ZNF578: variants seen among roughly 807,000 people sequenced by gnomAD.
ZNF578 encodes Putative chemokine-related protein B42.
Under a neutral mutation model 8.3 loss-of-function variants are expected in ZNF578, and 8 were observed. That is an observed-to-expected ratio of 0.96 (90% CI 0.56 to 1.74). The LOEUF (loss-of-function observed/expected upper bound fraction) is 1.74, where lower values mean the gene tolerates loss of function less well. Ranked by LOEUF, ZNF578 falls within the 40% of genes most tolerant of loss-of-function variation. The pLI is 0.00. For synonymous variants in ZNF578, 206 were observed against 232.2 expected (o/e 0.89, Z 1.03); for missense variants, 726 against 707.5 (o/e 1.03, Z -0.30).
At chr19:52,490,029 C>T (rs2059360030) in intron 2 of ZNF578, among the ~76,000 whole-genome samples, 1 of 152,198 alleles carries the variant, frequency 6.6e-6, no homozygotes, top group African/African-American at 2.4e-5. Context: ...CTGAACATCC[C>T]TTTTGGCCAA....
At chr19:52,491,976 C>A (rs1359151795) in intron 3 of ZNF578, among the ~76,000 whole-genome samples, 2 of 151,524 alleles carry the variant, frequency 1.3e-5, no homozygotes, top group African/African-American at 4.8e-5. Flanking sequence ...CTGGCTAACA[C>A]GGTGAAACCC....
At chr19:52,500,115 C>T (rs111687694) in intron 3 of ZNF578, among the ~76,000 whole-genome samples, 28,990 of 152,020 alleles carry the variant, frequency 0.19, 2,995 homozygotes, top group Non-Finnish European at 0.23. Context: ...TTCTCCGGGT[C>T]TCCTTTGTGA....
At chr19:52,469,150 T>A (rs896070702) in intron 2 of ZNF578, among the ~76,000 whole-genome samples, 4 of 136,770 alleles carry the variant, frequency 2.9e-5, no homozygotes, top group African/African-American at 1.1e-4. Flanking sequence ...CTTTGGTACC[T>A]GGAGTGGTTT....
At chr19:52,501,014 G>C (rs1005171589) in intron 3 of ZNF578, among the ~76,000 whole-genome samples, 27 of 151,938 alleles carry the variant, frequency 1.8e-4, no homozygotes, top group Admixed American at 5.3e-4. Context: ...GAATAGCTGG[G>C]ATTATGGGCA....
chr19:52,512,460 T>C lies in ZNF578; in HGVS notation c.*306T>C. On this transcript the variant is annotated 3_prime_UTR_variant, in exon 6 of 6. Transcript: ENST00000421239. ...ATAAATGTGGCAAATTTTTCAGACA[T>C]CGTTCATACCTTGCAGTTCATCAGT... 3 of 1,336,446 alleles carry C rather than the reference T, an allele frequency of 2.2e-6. No homozygotes were observed. The highest frequency in any genetic ancestry group is 1.2e-5 in the South Asian group (1 of 83,832). 82.8% of individuals were successfully genotyped at this position (1,336,446 alleles called of 1,614,324 possible).
chr19:52,497,154 C>T (rs574474355), intron 3 of ZNF578, among the ~76,000 whole-genome samples: 10 of 152,212 alleles, frequency 6.6e-5, no homozygotes, highest in African/African-American at 2.4e-4. Context: ...GGCTGGAGTG[C>T]AGTGGCACGA....
chr19:52,482,404 G>A (rs530264280), intron 2 of ZNF578, among the ~76,000 whole-genome samples: 13 of 152,206 alleles, frequency 8.5e-5, no homozygotes, highest in East Asian at 3.9e-4. Flanking sequence ...TTGGGAGGCC[G>A]AGGTACGTGG....
intron 2 of ZNF578, among the ~76,000 whole-genome samples, chr19:52,462,738 G>C (rs1038857293): frequency 2.0e-5 from 3 of 152,152 alleles, no homozygotes; most frequent in African/African-American, 4.8e-5. Context: ...ATCAAGGTGT[G>C]CTTGGGGGTT....
At chr19:52,492,044 G>C (rs776936654) in intron 3 of ZNF578, among the ~76,000 whole-genome samples, 3 of 148,242 alleles carry the variant, frequency 2.0e-5, no homozygotes, top group African/African-American at 7.5e-5. Context: ...CCTCAAATCC[G>C]TTACTCCAAA....
rs770536158 is a variant in ZNF578, at chr19:52,511,338, A to G, written c.957A>G (p.Glu319=). Residue 319 remains glutamate (E), a synonymous_variant, in exon 6 of 6, where the codon GAA becomes GAG. Coordinates refer to ENST00000421239, the MANE Select transcript of ZNF578 (RefSeq NM_001099694.2). ...HTGEKPYKCN[E]CGKSFSYKSS... ...GTGAGAAACCTTACAAGTGTAATGA[A>G]TGTGGAAAGTCCTTCAGTTACAAGT... The G allele has an allele frequency of 1.2e-6, 2 of 1,613,936 alleles. No homozygotes were observed. Among genetic ancestry groups the G allele is most frequent in the South Asian group, 2.2e-5 (2 of 91,076 alleles).
chr19:52,473,774 C>T, intron 2 of ZNF578: 1 of 312,194 alleles, frequency 3.2e-6, no homozygotes, highest in Non-Finnish European at 5.9e-6. Flanking sequence ...GGCAGTGAGG[C>T]TTGAATGCCC....
chr19:52,480,109 C>G (rs2059320921), intron 2 of ZNF578, among the ~76,000 whole-genome samples: 1 of 152,126 alleles, frequency 6.6e-6, no homozygotes, highest in Admixed American at 6.5e-5. Flanking sequence ...CGGGGTTTCA[C>G]CGTGTTAGCC....
At chr19:52,494,263 G>T (rs902500980) in intron 3 of ZNF578, among the ~76,000 whole-genome samples, 1 of 151,992 alleles carries the variant, frequency 6.6e-6, no homozygotes, top group Admixed American at 6.6e-5. Flanking sequence ...GAGGCAGAGG[G>T]ATTGCTTGAG....
At chr19:52,480,506 G>T (rs1314912676) in intron 2 of ZNF578, among the ~76,000 whole-genome samples, 1 of 152,010 alleles carries the variant, frequency 6.6e-6, no homozygotes, top group African/African-American at 2.4e-5. Context: ...TACCCAGGCA[G>T]ATGAAGCTAA....
At chr19:52,479,001 A>C (rs1211183186) in intron 2 of ZNF578, among the ~76,000 whole-genome samples, 1 of 151,598 alleles carries the variant, frequency 6.6e-6, no homozygotes, top group Non-Finnish European at 1.5e-5. Context: ...GGCATGAGCC[A>C]CCGCGCCCGG....
At chr19:52,455,656 GTGACTTCC>G (rs924799445) in intron 1 of ZNF578, 1 of 152,136 alleles carries the variant, frequency 6.6e-6, no homozygotes, top group African/African-American at 2.4e-5. Context: ...GTGTCCACTA[GTGACTTCC>G]TGAGTTCTCC....
rs545892899 is a variant in ZNF578, at chr19:52,511,039, C to T, written c.658C>T (p.Gln220Ter). 3.0e-5 allele frequency: 48 copies of T among 1,614,136 alleles called. No individual in the cohort carries two copies. Among genetic ancestry groups the T allele is most frequent in the South Asian group, 6.6e-5 (6 of 91,082 alleles). ...NNFFHSSLLT[Q>*]KQEVHMREKS... ...TTTTTTCCATTCATCATTACTCACA[C>T]AAAAACAGGAAGTACACATGAGAGA... Residue 220 changes from glutamine to a stop codon, truncating the protein, a stop_gained, in exon 6 of 6, where the codon CAA becomes TAA. Coordinates refer to ENST00000421239, the MANE Select transcript of ZNF578 (RefSeq NM_001099694.2). LOFTEE classifies it low-confidence loss of function (END_TRUNC).
In ZNF578 at chr19:52,512,082, C is replaced by A; in HGVS notation, c.1701C>A (p.Tyr567Ter). The A allele has an allele frequency of 6.2e-7, 1 of 1,613,744 alleles. No individual in the cohort carries two copies. Among genetic ancestry groups the A allele is most frequent in the East Asian group, 2.2e-5 (1 of 44,812 alleles). Reference protein sequence around the residue: ...HTRIHSGEKPYKCNECGKAHN... With the variant: ...HTRIHSGEKP ...GAATTCATAGCGGAGAGAAACCTTA[C>A]AAGTGTAATGAGTGTGGTAAGGCTC... The change falls in exon 6 of 6, where the codon TAC becomes TAA. Residue 567 changes from tyrosine (Y) to a stop codon, truncating the protein, a stop_gained. Coordinates refer to ENST00000421239, the MANE Select transcript of ZNF578 (RefSeq NM_001099694.2). LOFTEE classifies it low-confidence loss of function (END_TRUNC).
chr19:52,499,216 G>A (rs1350686814), intron 3 of ZNF578, among the ~76,000 whole-genome samples: 1 of 152,212 alleles, frequency 6.6e-6, no homozygotes, highest in Non-Finnish European at 1.5e-5. Context: ...ACAAAATACA[G>A]TGTGTGACTT....
Sources: gnomAD v4.1 joint callset for allele counts (sites outside exome capture counted in the v4.1 genomes callset) on GRCh38, gnomAD v4.1.1 for gene constraint, MANE v1.5 for transcripts, NCBI Gene and HGNC (gene_info 2026-07-23, HGNC 2026-07-21) for gene names.